Variants in LRRC4C observed in about 807,000 individuals in gnomAD.
LRRC4C encodes the protein leucine-rich repeat-containing protein 4C.
Under a neutral mutation model 33.6 loss-of-function variants are expected in LRRC4C, and 5 were observed. The observed-to-expected ratio is 0.15, with a 90% confidence interval of 0.08 to 0.31. The LOEUF is 0.31. LRRC4C is among the 10% of genes least tolerant of loss of function. The pLI is 1.00. For missense variants in LRRC4C, 560 were observed against 796.7 expected, an observed-to-expected ratio of 0.70 and a Z score of 3.58; for synonymous variants, 329 against 302.0, an observed-to-expected ratio of 1.09 and a Z score of -0.93.
intron 5 of LRRC4C, among the ~76,000 whole-genome samples, chr11:40,208,391 C>A (rs1455673681): frequency 6.6e-6 from 1 of 152,102 alleles, no homozygotes; most frequent in Non-Finnish European, 1.5e-5. Flanking sequence ...TACAGATGTG[C>A]AAAACAGCTT....
At position 40,386,228 on chromosome 11, in the gene LRRC4C, T is replaced by C. The variant is rs58285932; in HGVS notation, c.-269-66507A>G. On this transcript the variant is annotated intron_variant, in intron 3 of 6. Coordinates refer to ENST00000528697, the MANE Select transcript of LRRC4C (RefSeq NM_001258419.2). ...CCATAAATAATCATGTCCAAACAGT[T>C]CCTAAAACGTTCCCAGCATGTAGAT... is the stretch of plus-strand genomic sequence containing the variant. 7.3e-3 allele frequency among the ~76,000 whole-genome samples: 1,118 copies of C among 152,218 alleles called. 13 individuals are homozygous for C. Among genetic ancestry groups the C allele is most frequent in the African/African-American group, 0.025 (1,058 of 41,552 alleles).
rs556595644 is a variant in LRRC4C at position 41,443,701 on chromosome 11, C to T, written c.-496+15730G>A. ...TGCAATCTCAGCTCACTGCAACATCCGCCTACCAGGTTCATGTGATTGTCC... is the reference window on the plus strand; with the variant it reads ...TGCAATCTCAGCTCACTGCAACATCTGCCTACCAGGTTCATGTGATTGTCC... On this transcript the variant is annotated intron_variant, in intron 1 of 6. Transcript: ENST00000528697. 1.6e-4 allele frequency among the ~76,000 whole-genome samples: 24 copies of T among 151,768 alleles called. No individual in the cohort carries two copies. The East Asian group carries it at 2.5e-3, about 16-fold the overall frequency.
chr11:41,259,190 A>G (rs940728656), intron 1 of LRRC4C, among the ~76,000 whole-genome samples: 10 of 151,974 alleles, frequency 6.6e-5, no homozygotes, highest in Admixed American at 2.0e-4. Context: ...TCAAGTAGAG[A>G]TAACTCAGAG....
intron 1 of LRRC4C, among the ~76,000 whole-genome samples, chr11:41,112,650 A>T (rs1941901911): frequency 6.6e-6 from 1 of 152,040 alleles, no homozygotes; most frequent in Admixed American, 6.6e-5. Flanking sequence ...TTATAATTTC[A>T]ATCATGTACT....
chr11:40,486,387 T>C (rs1479338387), intron 3 of LRRC4C, among the ~76,000 whole-genome samples: 2 of 152,024 alleles, frequency 1.3e-5, no homozygotes, highest in East Asian at 1.9e-4. Flanking sequence ...AAAAGATAAC[T>C]GTCCTAATTT....
chr11:40,840,124 T>C (rs1295400699), intron 2 of LRRC4C, among the ~76,000 whole-genome samples: 2 of 152,202 alleles, frequency 1.3e-5, no homozygotes, highest in African/African-American at 2.4e-5. Context: ...CTACCTAAAG[T>C]GCAGATAGGA....
At chr11:40,507,802 C>A (rs1426905694) in intron 3 of LRRC4C, among the ~76,000 whole-genome samples, 2 of 150,198 alleles carry the variant, frequency 1.3e-5, no homozygotes, top group Non-Finnish European at 1.5e-5. Context: ...TGCAGTGGCA[C>A]CATCTCAGCT....
intron 3 of LRRC4C, among the ~76,000 whole-genome samples, chr11:40,441,873 G>C (rs1456283628): frequency 3.3e-5 from 5 of 152,098 alleles, no homozygotes; most frequent in Admixed American, 3.3e-4. Context: ...ATCATAAAAA[G>C]ATGAACTGGC....
chr11:40,370,772 C>T (rs148210064), intron 3 of LRRC4C, among the ~76,000 whole-genome samples: 3 of 152,238 alleles, frequency 2.0e-5, no homozygotes, highest in African/African-American at 4.8e-5. Flanking sequence ...ATGTACTGCT[C>T]AAGAGTTTAT....
intron 1 of LRRC4C, among the ~76,000 whole-genome samples, chr11:40,997,917 G>A (rs948148279): frequency 2.0e-5 from 3 of 152,118 alleles, no homozygotes; most frequent in African/African-American, 7.2e-5. Flanking sequence ...TGGAGTAGGT[G>A]TTTCTTTGAG....
chr11:40,883,507 T>C (rs553162515), intron 2 of LRRC4C, among the ~76,000 whole-genome samples: 7 of 152,098 alleles, frequency 4.6e-5, no homozygotes, highest in Non-Finnish European at 1.0e-4. Flanking sequence ...GGAAGAATCT[T>C]AATTCATGGG....
rs1459103997 is a variant in LRRC4C, at chr11:40,725,859, A to G, written c.-406-77581T>C. Among the ~76,000 whole-genome samples the G allele has an allele frequency of 2.0e-5, 3 of 152,080 alleles. No individual in the cohort carries two copies. The South Asian group carries it at 6.2e-4, about 31-fold the overall frequency. The stretch of plus-strand genomic sequence containing the variant: ...CTTGGATTGCTTGAGCTGCAAGCCT[A>G]TTACATCTTGCCTGAGAAAAACTTC... On this transcript the variant is annotated intron_variant, in intron 2 of 6. Coordinates refer to ENST00000528697, the MANE Select transcript of LRRC4C (RefSeq NM_001258419.2).
chr11:40,917,781 A>AAT (rs1238772855), intron 2 of LRRC4C, among the ~76,000 whole-genome samples: 1 of 152,160 alleles, frequency 6.6e-6, no homozygotes, highest in Non-Finnish European at 1.5e-5. Context: ...CCATTTACAT[A>AAT]ATATATATAA....
intron 1 of LRRC4C, among the ~76,000 whole-genome samples, chr11:40,996,471 T>C (rs1365476370): frequency 6.6e-6 from 1 of 152,190 alleles, no homozygotes; most frequent in Non-Finnish European, 1.5e-5. Flanking sequence ...GATAATGTGA[T>C]GTGCTTTTGG....
intron 1 of LRRC4C, among the ~76,000 whole-genome samples, chr11:41,438,138 G>A (rs1955502040): frequency 6.6e-6 from 1 of 151,860 alleles, no homozygotes; most frequent in Non-Finnish European, 1.5e-5. Context: ...TGGGGAAATG[G>A]ATGAAGAAAA....
chr11:40,896,059 A>G (rs1450680500), intron 2 of LRRC4C, among the ~76,000 whole-genome samples: 1 of 152,170 alleles, frequency 6.6e-6, no homozygotes, highest in African/African-American at 2.4e-5. Context: ...TACACAGTTC[A>G]TCTTTTGGAT....
intron 1 of LRRC4C, among the ~76,000 whole-genome samples, chr11:40,959,490 A>T (rs1469869662): frequency 6.6e-6 from 1 of 151,710 alleles, no homozygotes; most frequent in Non-Finnish European, 1.5e-5. Flanking sequence ...ACATAATTAT[A>T]TTTAATGCCA....
chr11:41,111,075 G>A (rs759411023), intron 1 of LRRC4C, among the ~76,000 whole-genome samples: 3 of 151,986 alleles, frequency 2.0e-5, no homozygotes, highest in Non-Finnish European at 4.4e-5. Flanking sequence ...ATAGATTGAT[G>A]TTTTAACTCA....
At chr11:41,063,935 G>A (rs906496772) in intron 1 of LRRC4C, among the ~76,000 whole-genome samples, 2 of 152,118 alleles carry the variant, frequency 1.3e-5, no homozygotes, top group African/African-American at 2.4e-5. Flanking sequence ...GATTGGGTGT[G>A]GTTTGGAGGT....
Sources: allele counts gnomAD v4.1 joint callset (sites outside exome capture counted in the v4.1 genomes callset), GRCh38; gene constraint gnomAD v4.1.1; transcripts MANE v1.5; gene names NCBI Gene and HGNC (gene_info 2026-07-23, HGNC 2026-07-21).